Variants in PEX7 observed in about 807,000 individuals in gnomAD.
PEX7 encodes the protein peroxisomal biogenesis factor 7.
In PEX7, 34 loss-of-function variants were observed where a neutral mutation model predicts 47.5. The observed-to-expected ratio is 0.72, with a 90% CI of 0.54 to 0.95. The LOEUF is 0.95. Ranked by LOEUF, PEX7 falls within the 40% of genes least tolerant of loss-of-function variation. The pLI is 0.00. For missense variants in PEX7, 394 were observed against 400.3 expected (o/e 0.98, Z 0.13); for synonymous variants, 141 against 148.8 (o/e 0.95, Z 0.38).
In PEX7 at chr6:136,869,664, G is replaced by A. The variant is rs1054874361; in HGVS notation, c.634-226G>A. Among the ~76,000 whole-genome samples, 12 of 152,258 alleles carry A rather than the reference G, an allele frequency of 7.9e-5. No homozygotes were observed. In the South Asian group the frequency reaches 8.3e-4, roughly 11 times the overall value. On this transcript the variant is annotated intron_variant, in intron 6 of 9. Coordinates refer to ENST00000318471, the MANE Select transcript of PEX7 (RefSeq NM_000288.4). ...TTCCAGCTGTCTGTAGTGTTCCATCGTGTACATAAAGCATATTGAGTTCTT... is the reference window on the plus strand; with the variant it reads ...TTCCAGCTGTCTGTAGTGTTCCATCATGTACATAAAGCATATTGAGTTCTT...
chr6:136,905,878 A>C (rs1422303412), intron 9 of PEX7, among the ~76,000 whole-genome samples: 2 of 152,200 alleles, frequency 1.3e-5, no homozygotes, highest in African/African-American at 2.4e-5. Context: ...GAGATCTGGG[A>C]AGTAATCCTA....
intron 3 of PEX7, among the ~76,000 whole-genome samples, chr6:136,836,820 G>A (rs1176043703): frequency 6.6e-6 from 1 of 152,124 alleles, no homozygotes; most frequent in Admixed American, 6.5e-5. Context: ...GGGTGTGGTG[G>A]TGAACATCTG....
chr6:136,886,743 G>A (rs1169269175), intron 8 of PEX7, among the ~76,000 whole-genome samples: 1 of 151,682 alleles, frequency 6.6e-6, no homozygotes, highest in East Asian at 1.9e-4. Context: ...ATATGTCTGG[G>A]CATTTGATTC....
At chr6:136,903,603 G>A (rs1775790826) in intron 9 of PEX7, among the ~76,000 whole-genome samples, 1 of 151,584 alleles carries the variant, frequency 6.6e-6, no homozygotes, top group African/African-American at 2.4e-5. Flanking sequence ...TTTTGTTTCA[G>A]TAAAAGATGA....
At position 136,822,850 on chromosome 6, in the gene PEX7, GC is replaced by G. The variant is rs1207716041; in HGVS notation, c.130+57del. ...GGGGCGGAGGCGGAGGCGGGGGCCA[GC>G]CGGGCTCCAGTTCCTCGCGCTCGAG... is the stretch of plus-strand genomic sequence containing the variant. On this transcript the variant is annotated intron_variant, in intron 1 of 9. Coordinates refer to ENST00000318471, the MANE Select transcript of PEX7 (RefSeq NM_000288.4). 62 of 1,233,712 alleles carry G rather than the reference GC, an allele frequency of 5.0e-5. No homozygotes were observed. In the East Asian group the frequency reaches 1.8e-3, roughly 36 times the overall value. 76.4% of individuals were successfully genotyped at this position (1,233,712 alleles called of 1,614,324 possible). A position where few individuals can be genotyped will look rare whatever the true frequency, so the allele number is the denominator to read the frequency against.
chr6:136,844,407 AG>A (rs1167423811), intron 3 of PEX7, among the ~76,000 whole-genome samples: 1 of 152,112 alleles, frequency 6.6e-6, no homozygotes, highest in Non-Finnish European at 1.5e-5. Context: ...TGTACAGCTT[AG>A]GGTTTTGATC....
chr6:136,825,225 C>A lies in PEX7; in HGVS notation c.142C>A (p.Leu48Ile). ...QHYGIAGCGT[L>I]LILDPDEAGL... ...TTTTTTCTCTTTAGGCTGTGGAACCCTACTAATATTGGATCCAGATGAAGC... is the reference window on the plus strand; with the variant it reads ...TTTTTTCTCTTTAGGCTGTGGAACCATACTAATATTGGATCCAGATGAAGC... The change falls in exon 2 of 10, where the codon CTA (leucine) becomes ATA (isoleucine). Residue 48 changes from leucine (L) to isoleucine (I), a missense_variant. Transcript: ENST00000318471. 6.2e-7 allele frequency: 1 copy of A among 1,613,684 alleles called. No homozygotes were observed. Among genetic ancestry groups the A allele is most frequent in the Non-Finnish European group, 8.5e-7 (1 of 1,179,700 alleles).
At chr6:136,898,360 T>TG in intron 9 of PEX7, 119 bp downstream of exon 9, 2 of 727,704 alleles carry the variant, frequency 2.7e-6, no homozygotes, top group Non-Finnish European at 5.0e-6. Context: ...CTGGAGCGTT[T>TG]GAGCATTAAA....
chr6:136,870,048 AATAT>A, intron 7 of PEX7, 45 bp downstream of exon 7: 1 of 1,153,916 alleles, frequency 8.7e-7, no homozygotes, highest in Non-Finnish European at 1.3e-6. Context: ...AAATTATATA[AATAT>A]AATCAATGAA....
At chr6:136,878,849 G>A (rs895474297) in intron 8 of PEX7, among the ~76,000 whole-genome samples, 3 of 145,926 alleles carry the variant, frequency 2.1e-5, no homozygotes, top group African/African-American at 7.6e-5. Flanking sequence ...TGTGTGTGAT[G>A]TGCTTTTTTG....
rs940631893 is a variant in PEX7, at chr6:136,847,538, G to C, written c.526+1357G>C. On this transcript the variant is annotated intron_variant, in intron 5 of 9. Coordinates refer to ENST00000318471, the MANE Select transcript of PEX7 (RefSeq NM_000288.4). ...ATTTTTGTATAAGGTGTAAGGAAGG[G>C]ATCCAGTTTCAGCTTTCTACATATG... 8.6e-5 allele frequency among the ~76,000 whole-genome samples: 13 copies of C among 151,550 alleles called. 1 individual carries two copies. Among genetic ancestry groups the C allele is most frequent in the African/African-American group, 3.2e-4 (13 of 41,266 alleles).
intron 8 of PEX7, among the ~76,000 whole-genome samples, chr6:136,875,277 T>TTAA (rs71009517): frequency 0.52 from 79,162 of 151,354 alleles, 20,857 homozygotes; most frequent in African/African-American, 0.57. Context: ...TTTCATTTTG[T>TTAA]TAAAGTATTT....
At chr6:136,863,464 A>G in intron 5 of PEX7, among the ~76,000 whole-genome samples, 1 of 152,196 alleles carries the variant, frequency 6.6e-6, no homozygotes. Flanking sequence ...AGTAGTACGT[A>G]TTTATGGATC....
chr6:136,837,665 T>A (rs1433776333), intron 3 of PEX7, among the ~76,000 whole-genome samples: 1 of 152,168 alleles, frequency 6.6e-6, no homozygotes, highest in Non-Finnish European at 1.5e-5. Context: ...GAATGCAAGA[T>A]ATCTTCTTGT....
intron 8 of PEX7, among the ~76,000 whole-genome samples, chr6:136,879,497 ACT>A (rs1474928272): frequency 1.3e-5 from 2 of 152,010 alleles, no homozygotes; most frequent in African/African-American, 4.8e-5. Context: ...TGCCAGTCTA[ACT>A]CTCTTTTACT....
Position 136,888,757 on chromosome 6 carries a change from C to T in PEX7, c.804-9385C>T, listed in dbSNP as rs952115646. ...GAATTAAATGAAAAATTGTGATACC[C>T]TTTGGTCACTCTGACTGTAGAAGCT... On this transcript the variant is annotated intron_variant, in intron 8 of 9. Transcript: ENST00000318471. 2.0e-5 allele frequency among the ~76,000 whole-genome samples: 3 copies of T among 152,058 alleles called. No homozygotes were observed. In the South Asian group the frequency reaches 6.2e-4, roughly 31 times the overall value.
intron 9 of PEX7, among the ~76,000 whole-genome samples, chr6:136,903,653 T>C (rs1775791811): frequency 6.6e-6 from 1 of 151,918 alleles, no homozygotes; most frequent in African/African-American, 2.4e-5. Context: ...TTTAGATATA[T>C]TTTTATTTTT....
intron 9 of PEX7, among the ~76,000 whole-genome samples, chr6:136,907,086 A>G (rs950286796): frequency 1.3e-5 from 2 of 152,064 alleles, no homozygotes; most frequent in African/African-American, 4.8e-5. Context: ...GCCTCTGCCT[A>G]TGGAAATTAT....
intron 9 of PEX7, among the ~76,000 whole-genome samples, chr6:136,909,395 A>T (rs572349699): frequency 2.6e-5 from 4 of 152,278 alleles, no homozygotes; most frequent in African/African-American, 9.6e-5. Context: ...ACCTAATTGG[A>T]TGCTTTTTAT....
Sources: gnomAD v4.1 joint callset for allele counts (sites outside exome capture counted in the v4.1 genomes callset) on GRCh38, gnomAD v4.1.1 for gene constraint, MANE v1.5 for transcripts, NCBI Gene and HGNC (gene_info 2026-07-23, HGNC 2026-07-21) for gene names.